The following LRRC1 variants were observed in gnomAD, a reference collection of about 807,000 sequenced individuals.
LRRC1 encodes leucine-rich repeat-containing protein 1.
In LRRC1, 28 loss-of-function variants were observed where a neutral mutation model predicts 69.9. The observed-to-expected ratio is 0.40, with a 90% CI of 0.30 to 0.55. The LOEUF is 0.55. Ranked by LOEUF, LRRC1 falls within the 20% of genes least tolerant of loss-of-function variation. The pLI, the probability that LRRC1 is intolerant of heterozygous loss-of-function variation, is 0.47. For synonymous variants in LRRC1, 236 were observed against 240.2 expected, an observed-to-expected ratio of 0.98 and a Z score of 0.16; for missense variants, 498 against 609.0, an observed-to-expected ratio of 0.82 and a Z score of 1.92.
At chr6:53,918,144 C>G (rs899328467) in intron 11 of LRRC1, among the ~76,000 whole-genome samples, 5 of 152,194 alleles carry the variant, frequency 3.3e-5, no homozygotes, top group Non-Finnish European at 7.3e-5. Flanking sequence ...CCTAATATTG[C>G]TCTCATTAGT....
At chr6:53,896,126 T>C (rs1177330923) in intron 4 of LRRC1, among the ~76,000 whole-genome samples, 4 of 152,200 alleles carry the variant, frequency 2.6e-5, no homozygotes, top group Non-Finnish European at 5.9e-5. Context: ...GGTAACTGCA[T>C]TTTTGGCATT....
intron 1 of LRRC1, among the ~76,000 whole-genome samples, chr6:53,799,224 C>G (rs1033187389): frequency 2.0e-5 from 3 of 152,150 alleles, no homozygotes; most frequent in African/African-American, 4.8e-5. Flanking sequence ...CTACATCATT[C>G]TTTCTCATAT....
rs1358413565 is a variant in LRRC1, at chr6:53,909,976, T to C, written c.991-3878T>C. 4.6e-5 allele frequency among the ~76,000 whole-genome samples: 7 copies of C among 152,280 alleles called. No homozygotes were observed. In the South Asian group the frequency reaches 1.5e-3, roughly 32 times the overall value. ...GACTAACATAGGCTCCCTTTTTGAA[T>C]CACTGAATCTGTCTCATGATCTCCT... On this transcript the variant is annotated intron_variant, in intron 10 of 13. Transcript: ENST00000370888.
Position 53,919,492 on chromosome 6 carries a change from A to C in LRRC1, c.1107-6A>C. ...TCTCTTTTTTTAAAAAAAAAAAAAAAAACAGGTTGCTGCATCTACCTTTAT... is the reference window on the plus strand; with the variant it reads ...TCTCTTTTTTTAAAAAAAAAAAAAACAACAGGTTGCTGCATCTACCTTTAT... On this transcript the variant is annotated splice_polypyrimidine_tract_variant and splice_region_variant and intron_variant, in intron 11 of 13. Transcript: ENST00000370888. 2.6e-6 allele frequency: 4 copies of C among 1,526,152 alleles called. No homozygotes were observed. The highest frequency in any genetic ancestry group is 3.5e-6 in the Non-Finnish European group (4 of 1,144,164). 94.5% of individuals were successfully genotyped at this position (1,526,152 alleles called of 1,614,324 possible).
chr6:53,795,208 C>T lies in LRRC1; in HGVS notation c.-49C>T, dbSNP rs1764251444. The T allele has an allele frequency of 2.0e-6, 3 of 1,527,972 alleles. No individual in the cohort carries two copies. Among genetic ancestry groups the T allele is most frequent in the African/African-American group, 1.4e-5 (1 of 73,124 alleles). The allele number at this position is 1,527,972 out of a possible 1,614,324, so 94.7% of individuals were successfully genotyped here. A position where few individuals can be genotyped will look rare whatever the true frequency, so the allele number is the denominator to read the frequency against. ...GCCGCCGGCCAGAGCGGGCTCGGAG[C>T]CCGGGTCTCCGCCGCTCGGGACCCG... is the stretch of plus-strand genomic sequence containing the variant. On this transcript the variant is annotated 5_prime_UTR_variant, in exon 1 of 14. Coordinates refer to ENST00000370888, the MANE Select transcript of LRRC1 (RefSeq NM_018214.5).
chr6:53,864,412 C>G (rs956745042), intron 2 of LRRC1, among the ~76,000 whole-genome samples: 1 of 152,156 alleles, frequency 6.6e-6, no homozygotes, highest in Non-Finnish European at 1.5e-5. Flanking sequence ...CATATGCATT[C>G]CTCCAGCATT....
In LRRC1 at chr6:53,917,853, A is replaced by G. The variant is rs138058234; in HGVS notation, c.1107-1645A>G. Among the ~76,000 whole-genome samples the G allele has an allele frequency of 1.9e-3, 297 of 152,368 alleles. 1 individual carries two copies. The highest frequency in any genetic ancestry group is 6.9e-3 in the African/African-American group (289 of 41,588). ...GAAGCTTTAACAGTGTATAATGCCTATTTAAGAAAATCCTTGTCACAGTAC... is the reference window on the plus strand; with the variant it reads ...GAAGCTTTAACAGTGTATAATGCCTGTTTAAGAAAATCCTTGTCACAGTAC... On this transcript the variant is annotated intron_variant, in intron 11 of 13. Transcript: ENST00000370888.
At chr6:53,890,590 C>A (rs1213475536) in intron 4 of LRRC1, among the ~76,000 whole-genome samples, 1 of 152,024 alleles carries the variant, frequency 6.6e-6, no homozygotes, top group African/African-American at 2.4e-5. Flanking sequence ...AAACTATTAC[C>A]ATATTTAATG....
chr6:53,819,247 G>T (rs146672670), intron 1 of LRRC1, among the ~76,000 whole-genome samples: 2 of 152,108 alleles, frequency 1.3e-5, no homozygotes, highest in African/African-American at 2.4e-5. Flanking sequence ...GGAAGTTCGG[G>T]TATCTTTTCT....
At chr6:53,922,227 G>T (rs1161580685) in intron 13 of LRRC1, among the ~76,000 whole-genome samples, 1 of 151,886 alleles carries the variant, frequency 6.6e-6, no homozygotes, top group Non-Finnish European at 1.5e-5. Flanking sequence ...AATCGCTTTG[G>T]GTAATAGTAG....
At chr6:53,806,797 T>C (rs1200612911) in intron 1 of LRRC1, among the ~76,000 whole-genome samples, 2 of 152,216 alleles carry the variant, frequency 1.3e-5, no homozygotes, top group Non-Finnish European at 2.9e-5. Context: ...CAGTTGTTGA[T>C]TCCCAGAACC....
intron 4 of LRRC1, among the ~76,000 whole-genome samples, chr6:53,894,558 C>T (rs571894170): frequency 3.9e-5 from 6 of 152,032 alleles, no homozygotes; most frequent in Admixed American, 1.3e-4. Context: ...AGTGGATTAC[C>T]GAAGAGATAA....
At chr6:53,812,932 A>G (rs993938493) in intron 1 of LRRC1, among the ~76,000 whole-genome samples, 3 of 150,650 alleles carry the variant, frequency 2.0e-5, no homozygotes, top group Non-Finnish European at 4.4e-5. Context: ...CAGGCTTCTG[A>G]TTTTTTTTTC....
At chr6:53,816,693 A>C (rs565309301) in intron 1 of LRRC1, among the ~76,000 whole-genome samples, 1 of 146,540 alleles carries the variant, frequency 6.8e-6, no homozygotes, top group East Asian at 2.0e-4. Flanking sequence ...TACTTTGTAA[A>C]CTGAATATTT....
chr6:53,812,833 G>A (rs1383881191), intron 1 of LRRC1, among the ~76,000 whole-genome samples: 1 of 152,024 alleles, frequency 6.6e-6, no homozygotes, highest in Non-Finnish European at 1.5e-5. Context: ...TGGAGGTGGA[G>A]CATGGGGTGC....
At chr6:53,869,625 A>G (rs1766817387) in intron 2 of LRRC1, among the ~76,000 whole-genome samples, 1 of 152,150 alleles carries the variant, frequency 6.6e-6, no homozygotes, top group South Asian at 2.1e-4. Context: ...GGACCTATGG[A>G]CTGCGTACAA....
chr6:53,853,232 T>C (rs1471251468), intron 2 of LRRC1, among the ~76,000 whole-genome samples: 1 of 152,080 alleles, frequency 6.6e-6, no homozygotes, highest in Non-Finnish European at 1.5e-5. Context: ...CAGGTGAATT[T>C]GGGGAATACC....
chr6:53,858,535 C>A (rs1410459297), intron 2 of LRRC1, among the ~76,000 whole-genome samples: 1 of 152,206 alleles, frequency 6.6e-6, no homozygotes, highest in Non-Finnish European at 1.5e-5. Context: ...CATAAATAAT[C>A]AGGGCCCATC....
At chr6:53,899,918 A>G in intron 8 of LRRC1, 27 bp downstream of exon 8, 2 of 1,604,506 alleles carry the variant, frequency 1.2e-6, no homozygotes, top group Non-Finnish European at 1.7e-6. Flanking sequence ...ACTAACTGCT[A>G]AACATACTGC....
Sources: gnomAD v4.1 joint callset for allele counts (sites outside exome capture counted in the v4.1 genomes callset) on GRCh38, gnomAD v4.1.1 for gene constraint, MANE v1.5 for transcripts, NCBI Gene and HGNC (gene_info 2026-07-23, HGNC 2026-07-21) for gene names.